The following UCHL3 variants were observed in gnomAD, a reference collection of about 807,000 sequenced individuals.
UCHL3 encodes the protein ubiquitin C-terminal hydrolase L3, also known as ubiquitin carboxyl-terminal hydrolase isozyme L3.
In UCHL3, 22 loss-of-function variants were observed where a neutral mutation model predicts 35.8. The observed-to-expected ratio is 0.61, with a 90% CI of 0.44 to 0.88. The LOEUF (loss-of-function observed/expected upper bound fraction) is 0.88. Among genes scored for constraint, UCHL3 ranks in the 40% least tolerant of loss-of-function variants. The probability of loss-of-function intolerance (pLI) is 0.00; values close to 1 mark genes in which losing one functional copy is unlikely to be tolerated. For synonymous variants in UCHL3, 90 were observed against 92.8 expected, an observed-to-expected ratio of 0.97 and a Z score of 0.17; for missense variants, 229 against 276.9, an observed-to-expected ratio of 0.83 and a Z score of 1.23.
At chr13:75,565,235 A>G (rs1249486539) in intron 3 of UCHL3, among the ~76,000 whole-genome samples, 1 of 152,186 alleles carries the variant, frequency 6.6e-6, no homozygotes, top group Non-Finnish European at 1.5e-5. Context: ...CATCAGGAAC[A>G]TTAACAACAG....
At chr13:75,567,192 A>G (rs184676792) in intron 4 of UCHL3, 35 bp from the exon 5 acceptor site, 1 of 1,588,006 alleles carries the variant, frequency 6.3e-7, no homozygotes, top group East Asian at 2.2e-5. Context: ...TGCTGTATCA[A>G]GCCTTTTTAA....
At chr13:75,604,333 G>A (rs2032868666) in intron 7 of UCHL3, among the ~76,000 whole-genome samples, 2 of 152,094 alleles carry the variant, frequency 1.3e-5, no homozygotes, top group South Asian at 4.1e-4. Context: ...ATAGTACACA[G>A]TTAATAGTAG....
intron 7 of UCHL3, among the ~76,000 whole-genome samples, chr13:75,595,249 C>A (rs1461393668): frequency 1.3e-5 from 2 of 152,140 alleles, no homozygotes; most frequent in African/African-American, 4.8e-5. Context: ...AAAACCATTA[C>A]AGGGAACTGC....
At chr13:75,554,223 G>A (rs1389978564) in intron 2 of UCHL3, among the ~76,000 whole-genome samples, 11 of 151,970 alleles carry the variant, frequency 7.2e-5, no homozygotes, top group Non-Finnish European at 1.6e-4. Context: ...CATCACACCC[G>A]GCTAATTTTT....
intron 3 of UCHL3, among the ~76,000 whole-genome samples, chr13:75,563,125 CTTTATGTA>C (rs67532728): frequency 0.49 from 70,932 of 146,166 alleles, 18,495 homozygotes; most frequent in East Asian, 0.63. Flanking sequence ...CCTCATTATC[CTTTATGTA>C]TGTATGTATG....
In UCHL3 at chr13:75,605,879, C is replaced by G; in HGVS notation, c.*67C>G. On this transcript the variant is annotated 3_prime_UTR_variant, in exon 9 of 9. Coordinates refer to ENST00000377595, the MANE Select transcript of UCHL3 (RefSeq NM_006002.5). ...CTAAATTTTCTCTGCCATACACTAA[C>G]TCAAAAATTTTGATATTTTCATTAA... 1 of 1,482,054 alleles carries G rather than the reference C, an allele frequency of 6.7e-7. No individual in the cohort carries two copies. The allele number at this position is 1,482,054 out of a possible 1,614,324, so 91.8% of individuals were successfully genotyped here.
chr13:75,561,414 G>A (rs989458699), intron 3 of UCHL3, among the ~76,000 whole-genome samples: 1 of 151,974 alleles, frequency 6.6e-6, no homozygotes. Flanking sequence ...AGTGCTTTAA[G>A]CTTTGGTAAA....
chr13:75,585,348 A>T (rs1369249552), intron 6 of UCHL3, among the ~76,000 whole-genome samples: 1 of 152,220 alleles, frequency 6.6e-6, no homozygotes, highest in Non-Finnish European at 1.5e-5. Context: ...AATTCATAAG[A>T]ATTACAGCAG....
chr13:75,557,465 A>G (rs1593973922), intron 2 of UCHL3, among the ~76,000 whole-genome samples: 1 of 152,224 alleles, frequency 6.6e-6, no homozygotes, highest in Non-Finnish European at 1.5e-5. Flanking sequence ...TTTTAGAGGC[A>G]TTGTGAAAAT....
At chr13:75,566,389 T>C (rs953620904) in intron 3 of UCHL3, among the ~76,000 whole-genome samples, 2 of 152,182 alleles carry the variant, frequency 1.3e-5, no homozygotes, top group Admixed American at 6.5e-5. Flanking sequence ...AAATTGCTTA[T>C]TGGAGTGTAT....
intron 7 of UCHL3, among the ~76,000 whole-genome samples, chr13:75,598,441 C>T (rs2032698183): frequency 1.3e-5 from 2 of 152,204 alleles, no homozygotes; most frequent in Admixed American, 1.3e-4. Flanking sequence ...ACAATAATGT[C>T]CTCTATTCAG....
At chr13:75,551,291 C>T (rs568720734) in intron 2 of UCHL3, among the ~76,000 whole-genome samples, 138 of 152,006 alleles carry the variant, frequency 9.1e-4, no homozygotes, top group Non-Finnish European at 1.7e-3. Context: ...ATTAGACGGG[C>T]GTGGTGATAC....
At chr13:75,576,700 A>G (rs915979571) in intron 6 of UCHL3, among the ~76,000 whole-genome samples, 2 of 152,194 alleles carry the variant, frequency 1.3e-5, no homozygotes, top group African/African-American at 4.8e-5. Flanking sequence ...GTTTTGAAGC[A>G]CTGTGTTACA....
intron 6 of UCHL3, among the ~76,000 whole-genome samples, chr13:75,580,439 CAT>C (rs1400277976): frequency 1.3e-5 from 2 of 152,214 alleles, no homozygotes; most frequent in Non-Finnish European, 2.9e-5. Flanking sequence ...TGTCCTTACA[CAT>C]ATGTGTACAC....
chr13:75,595,597 CAAAAAAAA>C (rs58733406), intron 7 of UCHL3, among the ~76,000 whole-genome samples: 55 of 45,646 alleles, frequency 1.2e-3, no homozygotes, highest in African/African-American at 6.8e-3. Context: ...TACTCCATCT[CAAAAAAAA>C]AAAAAAAAAA....
intron 6 of UCHL3, among the ~76,000 whole-genome samples, chr13:75,574,869 T>C (rs1202376350): frequency 1.3e-5 from 2 of 152,190 alleles, no homozygotes; most frequent in Non-Finnish European, 2.9e-5. Flanking sequence ...TGTAGGAGTC[T>C]AGAGCTCAGG....
At chr13:75,567,365 G>A (rs2031719394) in intron 5 of UCHL3, 53 bp downstream of exon 5, 3 of 1,511,876 alleles carry the variant, frequency 2.0e-6, no homozygotes, top group South Asian at 2.3e-5. Flanking sequence ...TTGTGGGATT[G>A]TAGATGTGTT....
chr13:75,597,509 C>T (rs1185596201), intron 7 of UCHL3, among the ~76,000 whole-genome samples: 1 of 151,910 alleles, frequency 6.6e-6, no homozygotes, highest in East Asian at 1.9e-4. Context: ...AATACCAATA[C>T]AACAATAAAA....
intron 3 of UCHL3, among the ~76,000 whole-genome samples, chr13:75,561,194 A>G (rs2031483861): frequency 6.6e-6 from 1 of 152,110 alleles, no homozygotes; most frequent in Non-Finnish European, 1.5e-5. Context: ...CGGTCTCCCA[A>G]AGTGCTGGGC....
Sources: allele counts gnomAD v4.1 joint callset (sites outside exome capture counted in the v4.1 genomes callset), GRCh38; gene constraint gnomAD v4.1.1; transcripts MANE v1.5; gene names NCBI Gene and HGNC (gene_info 2026-07-23, HGNC 2026-07-21).